The following MARCHF1 variants were observed in gnomAD, a reference collection of about 807,000 sequenced individuals.
MARCHF1 encodes E3 ubiquitin-protein ligase MARCHF1.
Under a neutral mutation model 54.2 loss-of-function variants are expected in MARCHF1, and 40 were observed. That is an observed-to-expected ratio of 0.74 (90% CI 0.57 to 0.96). The LOEUF is 0.96. MARCHF1 is among the 40% of genes least tolerant of loss of function. MARCHF1 has a pLI of 0.00. For synonymous variants in MARCHF1, 236 were observed against 236.3 expected (o/e 1.00, Z 0.01); for missense variants, 586 against 656.5 (o/e 0.89, Z 1.17).
chr4:163,924,623 T>G (rs967740649), intron 3 of MARCHF1, among the ~76,000 whole-genome samples: 1 of 151,976 alleles, frequency 6.6e-6, no homozygotes, highest in South Asian at 2.1e-4. Flanking sequence ...ATAAATGACC[T>G]TACTCATTTG....
chr4:164,359,918 C>G (rs1578898178), intron 1 of MARCHF1, among the ~76,000 whole-genome samples: 1 of 152,194 alleles, frequency 6.6e-6, no homozygotes, highest in East Asian at 1.9e-4. Context: ...CTGTGATTCA[C>G]ACAAAAATCT....
chr4:164,065,177 G>A (rs1414110039), intron 2 of MARCHF1, among the ~76,000 whole-genome samples: 2 of 152,116 alleles, frequency 1.3e-5, no homozygotes, highest in Non-Finnish European at 2.9e-5. Flanking sequence ...AATGAGTTAG[G>A]GAGAAGTCCC....
intron 3 of MARCHF1, among the ~76,000 whole-genome samples, chr4:163,861,891 A>C (rs74518730): frequency 6.6e-6 from 1 of 152,094 alleles, no homozygotes; most frequent in South Asian, 2.1e-4. Context: ...TAAGACAATA[A>C]AACAGAGATT....
chr4:164,305,249 G>A (rs180911623), intron 1 of MARCHF1, among the ~76,000 whole-genome samples: 16 of 152,208 alleles, frequency 1.1e-4, no homozygotes, highest in East Asian at 5.8e-4. Context: ...TGCAACATAC[G>A]TATAGATATG....
chr4:164,050,794 G>A (rs926170736), intron 2 of MARCHF1, among the ~76,000 whole-genome samples: 5 of 152,108 alleles, frequency 3.3e-5, no homozygotes, highest in Non-Finnish European at 5.9e-5. Context: ...TTAGACGGGC[G>A]TGGTGGTGCA....
At chr4:163,776,642 A>G (rs903180121) in intron 4 of MARCHF1, among the ~76,000 whole-genome samples, 5 of 152,042 alleles carry the variant, frequency 3.3e-5, no homozygotes, top group Non-Finnish European at 5.9e-5. Flanking sequence ...CTATCCATCC[A>G]TTGGGGGCTG....
intron 1 of MARCHF1, among the ~76,000 whole-genome samples, chr4:164,187,923 T>C (rs1328954558): frequency 6.6e-6 from 1 of 152,154 alleles, no homozygotes; most frequent in Non-Finnish European, 1.5e-5. Context: ...GAAAATCTAG[T>C]AAACCTATAA....
intron 5 of MARCHF1, among the ~76,000 whole-genome samples, chr4:163,656,342 C>A (rs1401736036): frequency 6.6e-6 from 1 of 151,870 alleles, no homozygotes; most frequent in Non-Finnish European, 1.5e-5. Flanking sequence ...TATACCCTTC[C>A]AAGACTGAAC....
chr4:164,148,142 A>AAC (rs10573891), intron 1 of MARCHF1, among the ~76,000 whole-genome samples: 69,621 of 147,660 alleles, frequency 0.47, 18,439 homozygotes, highest in Non-Finnish European at 0.62. Context: ...TTAAAAAAAT[A>AAC]ACACACACAC....
chr4:163,851,090 T>C (rs925231773), intron 4 of MARCHF1, among the ~76,000 whole-genome samples: 1 of 152,090 alleles, frequency 6.6e-6, no homozygotes, highest in Non-Finnish European at 1.5e-5. Context: ...AACACTTAAA[T>C]GTTTAAAACT....
chr4:163,549,567 G>A (rs1739031596), intron 8 of MARCHF1, among the ~76,000 whole-genome samples: 2 of 152,146 alleles, frequency 1.3e-5, no homozygotes, highest in Non-Finnish European at 2.9e-5. Context: ...GCTAAGATTA[G>A]GCAAAAGTAG....
intron 4 of MARCHF1, among the ~76,000 whole-genome samples, chr4:163,769,670 C>T (rs1297503206): frequency 6.6e-6 from 1 of 152,116 alleles, no homozygotes; most frequent in Non-Finnish European, 1.5e-5. Context: ...ACTACTATAA[C>T]CTTGTTCAGT....
chr4:163,810,576 A>G (rs1289181899), intron 4 of MARCHF1, among the ~76,000 whole-genome samples: 5 of 152,212 alleles, frequency 3.3e-5, no homozygotes, highest in Admixed American at 2.0e-4. Flanking sequence ...TTCATATGAC[A>G]ATAATTTCCA....
intron 7 of MARCHF1, among the ~76,000 whole-genome samples, chr4:163,608,170 G>A (rs1181825843): frequency 6.6e-6 from 1 of 152,078 alleles, no homozygotes; most frequent in Non-Finnish European, 1.5e-5. Flanking sequence ...CTATATTTTA[G>A]CAATTAAAAG....
chr4:163,724,389 C>A (rs1160327908), intron 4 of MARCHF1, among the ~76,000 whole-genome samples: 2 of 152,166 alleles, frequency 1.3e-5, no homozygotes, highest in African/African-American at 4.8e-5. Flanking sequence ...CAGAGGGGGA[C>A]CCGGCTGTGT....
chr4:163,922,588 T>C (rs1751455617), intron 3 of MARCHF1, among the ~76,000 whole-genome samples: 1 of 152,216 alleles, frequency 6.6e-6, no homozygotes, highest in Non-Finnish European at 1.5e-5. Context: ...AATTTACAAT[T>C]CTGTGAGCAA....
chr4:164,202,054 T>G (rs565331806), intron 1 of MARCHF1, among the ~76,000 whole-genome samples: 1 of 152,300 alleles, frequency 6.6e-6, no homozygotes, highest in East Asian at 1.9e-4. Context: ...ATATATCAGC[T>G]CTGCTGGAAC....
intron 5 of MARCHF1, among the ~76,000 whole-genome samples, chr4:163,690,838 A>G (rs1744423352): frequency 6.6e-6 from 1 of 152,180 alleles, no homozygotes; most frequent in South Asian, 2.1e-4. Context: ...GCCAGGCATC[A>G]ATCAAAGCTT....
chr4:163,916,192 T>G (rs1371131756), intron 3 of MARCHF1, among the ~76,000 whole-genome samples: 3 of 152,190 alleles, frequency 2.0e-5, no homozygotes, highest in South Asian at 4.1e-4. Context: ...AGTAGACCAG[T>G]GCAGGCAAAA....
Sources: gnomAD v4.1 joint callset for allele counts (sites outside exome capture counted in the v4.1 genomes callset) on GRCh38, gnomAD v4.1.1 for gene constraint, MANE v1.5 for transcripts, NCBI Gene and HGNC (gene_info 2026-07-23, HGNC 2026-07-21) for gene names.